Variants in EYS observed in about 807,000 individuals in gnomAD.
The protein encoded by EYS is protein eyes shut homolog.
EYS carries 250 observed loss-of-function variants against 282.1 expected under a neutral mutation model. The ratio of observed to expected loss-of-function variants is 0.89; its 90% confidence interval spans 0.80 to 0.98. EYS has a LOEUF of 0.98. Among genes scored for constraint, EYS ranks in the 50% least tolerant of loss-of-function variants. The pLI is 0.00. For synonymous variants in EYS, 1,355 were observed against 1,282.9 expected, an observed-to-expected ratio of 1.06 and a Z score of -1.20; for missense variants, 4,016 against 3,709.0, an observed-to-expected ratio of 1.08 and a Z score of -2.15.
At chr6:64,923,054 G>A (rs910605649) in intron 15 of EYS, among the ~76,000 whole-genome samples, 1 of 152,042 alleles carries the variant, frequency 6.6e-6, no homozygotes, top group African/African-American at 2.4e-5. Context: ...TGCCTATGAT[G>A]TATGTTGAGT....
At chr6:64,643,122 C>CA (rs1554188071) in intron 22 of EYS, among the ~76,000 whole-genome samples, 1,763 of 146,780 alleles carry the variant, frequency 0.012, 38 homozygotes, top group African/African-American at 0.04. Context: ...TCCCCCCCCC[C>CA]AAAAAAAAAC....
intron 31 of EYS, among the ~76,000 whole-genome samples, chr6:64,184,452 C>T (rs1764875868): frequency 2.6e-5 from 4 of 152,082 alleles, no homozygotes. Flanking sequence ...ATGTTAAATA[C>T]CCACTTCACT....
intron 26 of EYS, among the ~76,000 whole-genome samples, chr6:64,569,594 A>G (rs1452506629): frequency 6.6e-6 from 1 of 152,010 alleles, no homozygotes; most frequent in Non-Finnish European, 1.5e-5. Context: ...ACAAGAAATT[A>G]GCCAGGCGTG....
At chr6:63,903,709 T>C (rs1173350766) in intron 35 of EYS, among the ~76,000 whole-genome samples, 2 of 152,232 alleles carry the variant, frequency 1.3e-5, no homozygotes, top group African/African-American at 4.8e-5. Flanking sequence ...AGGGATGTTT[T>C]GTCTGTTTTA....
At chr6:63,756,956 C>T (rs1241086151) in intron 41 of EYS, among the ~76,000 whole-genome samples, 1 of 152,078 alleles carries the variant, frequency 6.6e-6, no homozygotes, top group Non-Finnish European at 1.5e-5. Flanking sequence ...TTGTGTTAAA[C>T]TGTACAAATT....
intron 12 of EYS, among the ~76,000 whole-genome samples, chr6:65,059,899 T>C (rs1387364961): frequency 6.6e-6 from 1 of 152,108 alleles, no homozygotes; most frequent in African/African-American, 2.4e-5. Context: ...GATACTCTTC[T>C]AAATTTCTGG....
At position 64,813,361 on chromosome 6, in the gene EYS, G is replaced by A; in HGVS notation, c.3443+17C>T. 2 of 1,517,916 alleles carry A rather than the reference G, an allele frequency of 1.3e-6. No individual in the cohort carries two copies. Among genetic ancestry groups the A allele is most frequent in the African/African-American group, 1.4e-5 (1 of 71,598 alleles). 94.0% of individuals were successfully genotyped at this position (1,517,916 alleles called of 1,614,324 possible). On this transcript the variant is annotated intron_variant, in intron 22 of 42. Coordinates refer to ENST00000503581, the MANE Select transcript of EYS (RefSeq NM_001142800.2). ...CTAAATATATATTTACTTACTTGTG[G>A]GTAAATAAATACTGACCTGCAGTCA...
chr6:64,205,146 A>T, intron 31 of EYS, among the ~76,000 whole-genome samples: 1 of 152,172 alleles, frequency 6.6e-6, no homozygotes, highest in East Asian at 1.9e-4. Context: ...TCTAATTAAG[A>T]TTCACAGAGG....
At chr6:64,913,655 C>T (rs191781880) in intron 15 of EYS, among the ~76,000 whole-genome samples, 185 of 152,086 alleles carry the variant, frequency 1.2e-3, no homozygotes, top group African/African-American at 2.0e-3. Context: ...TCCAGTCCAC[C>T]GTTGATAGAC....
chr6:63,855,242 A>G (rs565093624), intron 36 of EYS, among the ~76,000 whole-genome samples: 4 of 152,352 alleles, frequency 2.6e-5, no homozygotes, highest in East Asian at 3.9e-4. Context: ...TAGACTGGTT[A>G]TTTAAACTCA....
At chr6:64,068,763 A>G (rs1433779283) in intron 32 of EYS, among the ~76,000 whole-genome samples, 2 of 152,060 alleles carry the variant, frequency 1.3e-5, no homozygotes, top group African/African-American at 2.4e-5. Flanking sequence ...CCTAGAATTA[A>G]TTTTTCTGTG....
At chr6:64,321,507 T>C (rs1258112636) in intron 29 of EYS, among the ~76,000 whole-genome samples, 1 of 151,874 alleles carries the variant, frequency 6.6e-6, no homozygotes, top group Non-Finnish European at 1.5e-5. Context: ...GGTGAGTAAA[T>C]TAATGACTTT....
intron 36 of EYS, among the ~76,000 whole-genome samples, chr6:63,848,621 GC>G (rs1216521375): frequency 2.0e-5 from 3 of 152,006 alleles, no homozygotes; most frequent in Non-Finnish European, 2.9e-5. Flanking sequence ...GCTGTGAGGG[GC>G]TGTGTCACGA....
At chr6:65,334,793 T>C (rs1769920771) in intron 11 of EYS, 187 bp downstream of exon 11, 2 of 564,846 alleles carry the variant, frequency 3.5e-6, no homozygotes, top group Non-Finnish European at 6.2e-6. Flanking sequence ...GCTAGAATTG[T>C]TATACATAAC....
chr6:64,692,643 C>T (rs1038545960), intron 22 of EYS, among the ~76,000 whole-genome samples: 5 of 151,820 alleles, frequency 3.3e-5, no homozygotes, highest in African/African-American at 1.2e-4. Context: ...TTTAAAAGAA[C>T]TATTAGCAGA....
chr6:64,782,377 G>T (rs1166475802), intron 22 of EYS, among the ~76,000 whole-genome samples: 2 of 152,082 alleles, frequency 1.3e-5, no homozygotes, highest in African/African-American at 2.4e-5. Flanking sequence ...CCCTATTTAG[G>T]GTCATGAAGC....
intron 29 of EYS, among the ~76,000 whole-genome samples, chr6:64,335,797 C>T (rs919513204): frequency 1.3e-5 from 2 of 152,084 alleles, no homozygotes; most frequent in African/African-American, 2.4e-5. Context: ...ACTCTACAAC[C>T]TAGAGTAGAT....
At chr6:65,404,220 T>C (rs1459146750) in intron 6 of EYS, among the ~76,000 whole-genome samples, 3 of 152,038 alleles carry the variant, frequency 2.0e-5, no homozygotes, top group Non-Finnish European at 4.4e-5. Context: ...TTGACTCTGA[T>C]TCTTCCATCT....
At chr6:65,081,371 C>T (rs1477183923) in intron 12 of EYS, among the ~76,000 whole-genome samples, 1 of 152,062 alleles carries the variant, frequency 6.6e-6, no homozygotes, top group Non-Finnish European at 1.5e-5. Context: ...TTCCAAGCCT[C>T]TGTTTCCAAA....
Sources: allele counts gnomAD v4.1 joint callset (sites outside exome capture counted in the v4.1 genomes callset), GRCh38; gene constraint gnomAD v4.1.1; transcripts MANE v1.5; gene names NCBI Gene and HGNC (gene_info 2026-07-23, HGNC 2026-07-21).